Variants in NALF1 observed in about 807,000 individuals in gnomAD.
The protein encoded by NALF1 is family with sequence similarity 155 member A.
A neutral mutation model predicts 48.4 loss-of-function variants in NALF1; 3 were observed. That is an observed-to-expected ratio of 0.06 (90% CI 0.03 to 0.16). The LOEUF is 0.16. NALF1 is among the 10% of genes least tolerant of loss of function. The probability of loss-of-function intolerance (pLI) is 1.00; values close to 1 mark genes in which losing one functional copy is unlikely to be tolerated. For missense variants in NALF1, 526 were observed against 571.5 expected (o/e 0.92, Z 0.81); for synonymous variants, 262 against 245.7 (o/e 1.07, Z -0.62).
intron 1 of NALF1, among the ~76,000 whole-genome samples, chr13:107,836,606 G>A (rs993773260): frequency 9.9e-5 from 15 of 152,002 alleles, no homozygotes; most frequent in Non-Finnish European, 1.9e-4. Context: ...GTAACACAAG[G>A]AAGAAAAGCA....
intron 1 of NALF1, among the ~76,000 whole-genome samples, chr13:107,348,333 C>T (rs935552490): frequency 2.6e-5 from 4 of 152,012 alleles, no homozygotes; most frequent in Non-Finnish European, 2.9e-5. Context: ...AAAAGTGTTA[C>T]GTTCACTCGG....
intron 2 of NALF1, among the ~76,000 whole-genome samples, chr13:107,183,454 A>G (rs767493192): frequency 3.3e-5 from 5 of 152,204 alleles, no homozygotes; most frequent in Non-Finnish European, 7.3e-5. Flanking sequence ...AAGGATCTAG[A>G]ACTAGAAATA....
chr13:107,559,071 A>G lies in NALF1; in HGVS notation c.915+306611T>C, dbSNP rs567790130. Among the ~76,000 whole-genome samples, 10 of 152,304 alleles carry G rather than the reference A, an allele frequency of 6.6e-5. No homozygotes were observed. The South Asian group carries it at 1.7e-3, about 25-fold the overall frequency. ...TGATGGCAGGAGCTGATACTTCATA[A>G]CAGATCTCTTTCTGTACATGCATGT... On this transcript the variant is annotated intron_variant, in intron 1 of 2. Coordinates refer to ENST00000375915, the MANE Select transcript of NALF1 (RefSeq NM_001080396.3).
chr13:107,269,033 C>A (rs1881100551), intron 1 of NALF1, among the ~76,000 whole-genome samples: 1 of 151,842 alleles, frequency 6.6e-6, no homozygotes, highest in Non-Finnish European at 1.5e-5. Flanking sequence ...AGTGGTGGTG[C>A]ACGCCTGTGG....
intron 1 of NALF1, among the ~76,000 whole-genome samples, chr13:107,611,983 AAG>A (rs1879234851): frequency 7.0e-6 from 1 of 142,384 alleles, no homozygotes; most frequent in Non-Finnish European, 1.5e-5. Flanking sequence ...AAGAGAAGAG[AAG>A]AGGAGAGGAG....
intron 1 of NALF1, among the ~76,000 whole-genome samples, chr13:107,239,304 C>T (rs79319717): frequency 0.058 from 8,815 of 152,162 alleles, 295 homozygotes; most frequent in African/African-American, 0.069. Context: ...TGTTCGGTGC[C>T]GCTCTCCTGC....
intron 1 of NALF1, among the ~76,000 whole-genome samples, chr13:107,667,247 A>T (rs1321237569): frequency 2.0e-5 from 3 of 152,018 alleles, no homozygotes; most frequent in African/African-American, 7.2e-5. Context: ...GTCAATATAA[A>T]TTTTATGAGA....
intron 1 of NALF1, among the ~76,000 whole-genome samples, chr13:107,446,101 G>A (rs1046387237): frequency 6.6e-6 from 1 of 152,014 alleles, no homozygotes; most frequent in African/African-American, 2.4e-5. Flanking sequence ...ACCATGCCCA[G>A]CTAATTTTCG....
chr13:107,566,394 T>C (rs1455842221), intron 1 of NALF1, among the ~76,000 whole-genome samples: 1 of 152,198 alleles, frequency 6.6e-6, no homozygotes, highest in African/African-American at 2.4e-5. Flanking sequence ...TGAAATGTAA[T>C]GACTGTACTG....
At chr13:107,675,383 G>A (rs1044458553) in intron 1 of NALF1, among the ~76,000 whole-genome samples, 2 of 152,170 alleles carry the variant, frequency 1.3e-5, no homozygotes, top group African/African-American at 4.8e-5. Context: ...TTGAAGAAAT[G>A]CGATTAGAGT....
At chr13:107,734,109 C>T (rs975577813) in intron 1 of NALF1, among the ~76,000 whole-genome samples, 6 of 152,224 alleles carry the variant, frequency 3.9e-5, no homozygotes, top group Middle Eastern at 3.4e-3. Flanking sequence ...GGTGTTATGA[C>T]GGCTATGATG....
chr13:107,646,605 A>G (rs1318322860), intron 1 of NALF1, among the ~76,000 whole-genome samples: 1 of 152,142 alleles, frequency 6.6e-6, no homozygotes, highest in Non-Finnish European at 1.5e-5. Context: ...AAATATTTTC[A>G]CATGAATTTT....
chr13:107,693,201 T>C (rs902198053), intron 1 of NALF1, among the ~76,000 whole-genome samples: 11 of 152,096 alleles, frequency 7.2e-5, no homozygotes, highest in African/African-American at 2.7e-4. Flanking sequence ...GAAACCATCA[T>C]TCTGAGCAAA....
At chr13:107,767,978 C>T (rs866787880) in intron 1 of NALF1, among the ~76,000 whole-genome samples, 21 of 152,260 alleles carry the variant, frequency 1.4e-4, no homozygotes, top group Admixed American at 2.6e-4. Flanking sequence ...GGCAGTCAAT[C>T]CACAGATTCC....
At chr13:107,345,100 CAT>C (rs1457730648) in intron 1 of NALF1, among the ~76,000 whole-genome samples, 2 of 151,986 alleles carry the variant, frequency 1.3e-5, no homozygotes, top group East Asian at 1.9e-4. Flanking sequence ...CACACACACA[CAT>C]ACACACACAC....
chr13:107,240,132 C>A (rs1310515186), intron 1 of NALF1, among the ~76,000 whole-genome samples: 3 of 152,118 alleles, frequency 2.0e-5, no homozygotes, highest in African/African-American at 4.8e-5. Context: ...TATGCTGAAG[C>A]CTTAAGCCCC....
At chr13:107,813,688 T>A (rs570266876) in intron 1 of NALF1, among the ~76,000 whole-genome samples, 427 of 150,826 alleles carry the variant, frequency 2.8e-3, no homozygotes, top group African/African-American at 9.1e-3. Context: ...AAAAAAAAAA[T>A]TTATATTCTG....
In NALF1 at chr13:107,341,341, AGTAACCGAAATACCCTGT is replaced by A. The variant is rs145170578; in HGVS notation, c.916-130604_916-130587del. Among the ~76,000 whole-genome samples, 3 of 152,260 alleles carry A rather than the reference AGTAACCGAAATACCCTGT, an allele frequency of 2.0e-5. No homozygotes were observed. The East Asian group carries it at 5.8e-4, about 29-fold the overall frequency. On this transcript the variant is annotated intron_variant, in intron 1 of 2. Coordinates refer to ENST00000375915, the MANE Select transcript of NALF1 (RefSeq NM_001080396.3). ...CAATAAGCACAGTTAGCTTATGCAA[AGTAACCGAAATACCCTGT>A]GTGTGTGTGTGTACATATGATCGAG...
At chr13:107,262,230 C>T (rs1880941133) in intron 1 of NALF1, among the ~76,000 whole-genome samples, 1 of 152,072 alleles carries the variant, frequency 6.6e-6, no homozygotes, top group East Asian at 1.9e-4. Flanking sequence ...GCCTGGCCAA[C>T]ATAGTGAAAC....
Sources: allele counts gnomAD v4.1 joint callset (sites outside exome capture counted in the v4.1 genomes callset), GRCh38; gene constraint gnomAD v4.1.1; transcripts MANE v1.5; gene names NCBI Gene and HGNC (gene_info 2026-07-23, HGNC 2026-07-21).